Variants in SPATS2 observed in about 807,000 individuals in gnomAD.
The protein encoded by SPATS2 is spermatogenesis-associated serine-rich protein 2.
In SPATS2, 38 loss-of-function variants were observed where a neutral mutation model predicts 63.7. The observed-to-expected ratio is 0.60, with a 90% CI of 0.46 to 0.78. SPATS2 has a LOEUF of 0.78. Ranked by LOEUF, SPATS2 falls within the 30% of genes least tolerant of loss-of-function variation. SPATS2 has a pLI of 0.00. For missense variants in SPATS2, 588 were observed against 666.2 expected (o/e 0.88, Z 1.29); for synonymous variants, 207 against 232.9 (o/e 0.89, Z 1.01).
intron 2 of SPATS2, among the ~76,000 whole-genome samples, chr12:49,420,595 T>TC (rs1369825552): frequency 6.6e-6 from 1 of 151,978 alleles, no homozygotes; most frequent in Non-Finnish European, 1.5e-5. Context: ...AAAATAAAAA[T>TC]AAAAATAAAT....
intron 2 of SPATS2, among the ~76,000 whole-genome samples, chr12:49,405,731 A>G (rs900315301): frequency 1.2e-4 from 18 of 152,300 alleles, no homozygotes; most frequent in African/African-American, 4.3e-4. Context: ...GAGGGACTTG[A>G]GCTTGAATGA....
chr12:49,376,703 T>C (rs1224133649), intron 2 of SPATS2, among the ~76,000 whole-genome samples: 3 of 147,124 alleles, frequency 2.0e-5, no homozygotes, highest in East Asian at 2.0e-4. Context: ...GGCCGGTGTT[T>C]TGTTGATTTT....
chr12:49,371,533 G>T (rs1188988051), intron 2 of SPATS2, among the ~76,000 whole-genome samples: 2 of 152,168 alleles, frequency 1.3e-5, no homozygotes, highest in Non-Finnish European at 2.9e-5. Flanking sequence ...ACAAATACTT[G>T]TTCGAGTCCC....
chr12:49,426,950 C>T (rs565334053), intron 2 of SPATS2, among the ~76,000 whole-genome samples: 1 of 152,294 alleles, frequency 6.6e-6, no homozygotes, highest in East Asian at 1.9e-4. Context: ...CTGCTGTAAA[C>T]ATTCTTGTAC....
chr12:49,466,965 T>C (rs1020161993), intron 3 of SPATS2, among the ~76,000 whole-genome samples: 5 of 152,024 alleles, frequency 3.3e-5, no homozygotes, highest in African/African-American at 1.2e-4. Flanking sequence ...GATCTTAATT[T>C]CTCTCAGCAA....
Position 49,464,810 on chromosome 12 carries a change from C to T in SPATS2, c.25+3773C>T, listed in dbSNP as rs1019597072. Among the ~76,000 whole-genome samples the T allele has an allele frequency of 1.8e-4, 28 of 152,018 alleles. No individual in the cohort carries two copies. The East Asian group carries it at 4.8e-3, about 26-fold the overall frequency. On this transcript the variant is annotated intron_variant, in intron 3 of 13. Transcript: ENST00000552918. The stretch of plus-strand genomic sequence containing the variant: ...CTACACTCTAGCCTGGGTGACAGAG[C>T]GGGACCATGTCTCTTAAAAAAACAG...
intron 7 of SPATS2, 119 bp from the exon 8 acceptor site, chr12:49,496,712 TAC>T: frequency 1.1e-6 from 1 of 948,122 alleles, no homozygotes; most frequent in Non-Finnish European, 1.6e-6. Flanking sequence ...TGATTTTGTT[TAC>T]AGTCTTTTAA....
intron 4 of SPATS2, among the ~76,000 whole-genome samples, chr12:49,485,412 A>AG (rs903774616): frequency 6.2e-4 from 94 of 152,084 alleles, no homozygotes; most frequent in African/African-American, 2.1e-3. Flanking sequence ...CCCAGGTTGG[A>AG]GTGCAGTGGC....
At chr12:49,507,324 G>A (rs1436875422) in intron 9 of SPATS2, among the ~76,000 whole-genome samples, 1 of 152,140 alleles carries the variant, frequency 6.6e-6, no homozygotes, top group African/African-American at 2.4e-5. Flanking sequence ...ATTTACACTG[G>A]CGGAAAGGTT....
chr12:49,467,360 C>A (rs756875188), intron 3 of SPATS2, among the ~76,000 whole-genome samples: 2 of 152,014 alleles, frequency 1.3e-5, no homozygotes, highest in East Asian at 3.8e-4. Context: ...CTGCGCCTGT[C>A]CCAGATATGT....
chr12:49,514,686 C>A, intron 10 of SPATS2, 73 bp downstream of exon 10: 1 of 1,354,364 alleles, frequency 7.4e-7, no homozygotes, highest in Non-Finnish European at 1.0e-6. Flanking sequence ...ACCCTTATAA[C>A]AAAAGTTCCA....
intron 2 of SPATS2, among the ~76,000 whole-genome samples, 176 bp from the exon 3 acceptor site, chr12:49,460,594 T>C (rs1945805144): frequency 6.6e-6 from 1 of 152,254 alleles, no homozygotes; most frequent in Non-Finnish European, 1.5e-5. Context: ...AATCTGATTC[T>C]AAGATTAACT....
Position 49,494,721 on chromosome 12 carries a change from C to A in SPATS2, c.265-20C>A. 6.7e-7 allele frequency: 1 copy of A among 1,481,788 alleles called. No individual in the cohort carries two copies. 91.8% of individuals were successfully genotyped at this position (1,481,788 alleles called of 1,614,324 possible). On this transcript the variant is annotated intron_variant, in intron 6 of 13. Coordinates refer to ENST00000552918, the MANE Select transcript of SPATS2 (RefSeq NM_023071.4). ...CTTTTCTTTCTTTTCTTTTCTTTTT[C>A]AAATTTTTAATAACTTTAGAACAAA...
chr12:49,403,801 A>G (rs950721884), intron 2 of SPATS2, among the ~76,000 whole-genome samples: 1 of 152,170 alleles, frequency 6.6e-6, no homozygotes. Flanking sequence ...TTGGAAAGGG[A>G]AGGGACAGAA....
intron 4 of SPATS2, among the ~76,000 whole-genome samples, chr12:49,488,253 C>G (rs187703146): frequency 2.0e-5 from 3 of 151,952 alleles, no homozygotes; most frequent in Admixed American, 2.0e-4. Context: ...CCATGTTGGT[C>G]AGGCTGGTCT....
intron 2 of SPATS2, among the ~76,000 whole-genome samples, chr12:49,439,886 A>G (rs1945385429): frequency 1.3e-5 from 2 of 152,118 alleles, no homozygotes; most frequent in Non-Finnish European, 2.9e-5. Context: ...TTTCTTTGCT[A>G]CGAGAGCAAA....
Position 49,420,004 on chromosome 12 carries a change from G to A in SPATS2, c.-243-40766G>A, listed in dbSNP as rs1180708431. ...TATTTACACTATGCATCAAGGAAAAGCAGCTGGAAATACCATTTCAAACAA... is the reference window on the plus strand; with the variant it reads ...TATTTACACTATGCATCAAGGAAAAACAGCTGGAAATACCATTTCAAACAA... On this transcript the variant is annotated intron_variant, in intron 2 of 13. Transcript: ENST00000552918. Among the ~76,000 whole-genome samples the A allele has an allele frequency of 2.6e-5, 4 of 152,292 alleles. No individual in the cohort carries two copies. The East Asian group carries it at 7.7e-4, about 29-fold the overall frequency.
intron 9 of SPATS2, among the ~76,000 whole-genome samples, chr12:49,507,830 C>T (rs888611981): frequency 5.9e-5 from 9 of 152,044 alleles, no homozygotes; most frequent in Admixed American, 3.3e-4. Flanking sequence ...AATGATTTAC[C>T]GGTTAATACG....
In SPATS2 at chr12:49,448,174, T is replaced by G. The variant is rs370578274; in HGVS notation, c.-243-12596T>G. 4.5e-4 allele frequency among the ~76,000 whole-genome samples: 67 copies of G among 150,182 alleles called. No homozygotes were observed. In the South Asian group the frequency reaches 0.011, roughly 26 times the overall value. On this transcript the variant is annotated intron_variant, in intron 2 of 13. Coordinates refer to ENST00000552918, the MANE Select transcript of SPATS2 (RefSeq NM_023071.4). The stretch of plus-strand genomic sequence containing the variant: ...TTTTTTTTAGACCGAGTCTCACTGT[T>G]CCACCCAGGCTGGAGTGCAGTGGCG...
Sources: allele counts gnomAD v4.1 joint callset (sites outside exome capture counted in the v4.1 genomes callset), GRCh38; gene constraint gnomAD v4.1.1; transcripts MANE v1.5; gene names NCBI Gene and HGNC (gene_info 2026-07-23, HGNC 2026-07-21).